FARS2: variants seen among roughly 807,000 people sequenced by gnomAD.
FARS2 encodes the protein phenylalanine--tRNA ligase, mitochondrial.
In FARS2, 40 loss-of-function variants were observed where a neutral mutation model predicts 46.4. That is an observed-to-expected ratio of 0.86 (90% confidence interval 0.67 to 1.12). The LOEUF is 1.12. FARS2 is among the 50% of genes most tolerant of loss of function. The pLI, the probability that FARS2 is intolerant of heterozygous loss-of-function variation, is 0.00. For missense variants in FARS2, 513 were observed against 567.9 expected (o/e 0.90, Z 0.98); for synonymous variants, 234 against 214.9 (o/e 1.09, Z -0.78).
At chr6:5,615,177 C>G (rs550340097) in intron 6 of FARS2, among the ~76,000 whole-genome samples, 2 of 152,212 alleles carry the variant, frequency 1.3e-5, no homozygotes, top group South Asian at 4.1e-4. Flanking sequence ...TGAATTATAT[C>G]TTTAGGGATT....
At chr6:5,584,511 T>G (rs1174653118) in intron 5 of FARS2, among the ~76,000 whole-genome samples, 1 of 152,118 alleles carries the variant, frequency 6.6e-6, no homozygotes, top group Non-Finnish European at 1.5e-5. Context: ...AATTAATTCC[T>G]CCTCCCAGCC....
intron 6 of FARS2, among the ~76,000 whole-genome samples, chr6:5,754,098 T>G (rs1200049062): frequency 1.3e-5 from 2 of 152,252 alleles, no homozygotes; most frequent in Non-Finnish European, 2.9e-5. Flanking sequence ...ACTGCTATCT[T>G]TTATTGAGTA....
At chr6:5,341,188 G>GATAGATATATAT (rs1771535603) in intron 1 of FARS2, among the ~76,000 whole-genome samples, 3 of 34,202 alleles carry the variant, frequency 8.8e-5, no homozygotes, top group East Asian at 6.2e-4. Flanking sequence ...GCCATGGGGA[G>GATAGATATATAT]ATATATATAT....
rs1759636390 is a variant in FARS2 at position 5,379,815 on chromosome 6, T to C, written c.612+10633T>C. Reference sequence around the variant, plus strand: ...AGAAGTGCAGGGTGCCCAGTAAGAATACCTTCCTTTGCCATGTCCCTCCAG... The same window carrying C: ...AGAAGTGCAGGGTGCCCAGTAAGAACACCTTCCTTTGCCATGTCCCTCCAG... On this transcript the variant is annotated intron_variant, in intron 2 of 6. Coordinates refer to ENST00000274680, the MANE Select transcript of FARS2 (RefSeq NM_006567.5). 2.0e-5 allele frequency among the ~76,000 whole-genome samples: 3 copies of C among 152,190 alleles called. No homozygotes were observed. The South Asian group carries it at 6.2e-4, about 32-fold the overall frequency.
intron 4 of FARS2, among the ~76,000 whole-genome samples, chr6:5,501,262 C>G (rs911198265): frequency 2.0e-5 from 3 of 152,036 alleles, no homozygotes; most frequent in Admixed American, 2.0e-4. Context: ...ACACCTATTT[C>G]AGAGATATGC....
chr6:5,614,854 C>T (rs1211433339), intron 6 of FARS2, among the ~76,000 whole-genome samples: 1 of 152,194 alleles, frequency 6.6e-6, no homozygotes, highest in Non-Finnish European at 1.5e-5. Flanking sequence ...TCCCTGAGCT[C>T]TCGCATGTTC....
chr6:5,523,800 G>A (rs1769295399), intron 4 of FARS2, among the ~76,000 whole-genome samples: 3 of 152,184 alleles, frequency 2.0e-5, no homozygotes, highest in Non-Finnish European at 1.5e-5. Context: ...TTTAGGGTTT[G>A]TCAGGTATGG....
intron 4 of FARS2, among the ~76,000 whole-genome samples, chr6:5,469,058 T>C (rs200210): frequency 6.6e-6 from 1 of 152,160 alleles, no homozygotes; most frequent in Non-Finnish European, 1.5e-5. Context: ...CCTGATGAGA[T>C]TTGGGTTCTT....
chr6:5,682,514 A>G (rs1465086841), intron 6 of FARS2, among the ~76,000 whole-genome samples: 1 of 152,212 alleles, frequency 6.6e-6, no homozygotes, highest in Non-Finnish European at 1.5e-5. Context: ...GGAACACTGA[A>G]TGTGTCATTC....
chr6:5,467,944 A>G (rs552459029), intron 4 of FARS2, among the ~76,000 whole-genome samples: 12 of 152,328 alleles, frequency 7.9e-5, no homozygotes, highest in South Asian at 4.1e-4. Context: ...TAACTTCAGA[A>G]TGTCATTAAA....
intron 6 of FARS2, among the ~76,000 whole-genome samples, chr6:5,651,900 A>G (rs1042061342): frequency 6.6e-6 from 1 of 152,122 alleles, no homozygotes; most frequent in South Asian, 2.1e-4. Context: ...CCAGCATACC[A>G]CGCCTCACCC....
intron 3 of FARS2, among the ~76,000 whole-genome samples, chr6:5,415,946 G>T (rs976768527): frequency 7.9e-5 from 12 of 151,956 alleles, no homozygotes; most frequent in Non-Finnish European, 1.5e-4. Context: ...GGCTCAAGCA[G>T]TCTGCCCACA....
intron 4 of FARS2, among the ~76,000 whole-genome samples, chr6:5,539,358 C>CACCAT (rs1770430961): frequency 9.7e-6 from 1 of 103,362 alleles, no homozygotes; most frequent in East Asian, 3.5e-4. Context: ...AGGTGCCCGC[C>CACCAT]ACCATGCCCA....
intron 5 of FARS2, among the ~76,000 whole-genome samples, chr6:5,548,952 T>C (rs1425731004): frequency 6.6e-6 from 1 of 152,276 alleles, no homozygotes; most frequent in African/African-American, 2.4e-5. Flanking sequence ...TAGATCATAC[T>C]ATTACCTAAG....
At chr6:5,730,280 G>T (rs1760537152) in intron 6 of FARS2, among the ~76,000 whole-genome samples, 1 of 152,204 alleles carries the variant, frequency 6.6e-6, no homozygotes, top group Non-Finnish European at 1.5e-5. Flanking sequence ...GAGAGACAGC[G>T]AGAGAGCGCA....
At chr6:5,699,981 C>T (rs1758319353) in intron 6 of FARS2, among the ~76,000 whole-genome samples, 2 of 152,162 alleles carry the variant, frequency 1.3e-5, no homozygotes, top group South Asian at 4.1e-4. Flanking sequence ...CTTCCCTGTG[C>T]CATCTTTCAC....
At chr6:5,699,197 C>T (rs1439728676) in intron 6 of FARS2, among the ~76,000 whole-genome samples, 1 of 152,202 alleles carries the variant, frequency 6.6e-6, no homozygotes, top group Non-Finnish European at 1.5e-5. Flanking sequence ...TACCAGGAAT[C>T]ATTCAGACTT....
chr6:5,770,722 A>G (rs1762991187), intron 6 of FARS2, among the ~76,000 whole-genome samples: 1 of 152,204 alleles, frequency 6.6e-6, no homozygotes, highest in South Asian at 2.1e-4. Flanking sequence ...CACCAATGTC[A>G]TAAAGGAGAG....
chr6:5,573,074 C>T (rs1439601931), intron 5 of FARS2, among the ~76,000 whole-genome samples: 1 of 152,146 alleles, frequency 6.6e-6, no homozygotes. Context: ...CTTATACCTG[C>T]TTTTTGGCAG....
Sources: allele counts gnomAD v4.1 joint callset (sites outside exome capture counted in the v4.1 genomes callset), GRCh38; gene constraint gnomAD v4.1.1; transcripts MANE v1.5; gene names NCBI Gene and HGNC (gene_info 2026-07-23, HGNC 2026-07-21).